Variants in FZD3 observed in about 807,000 individuals in gnomAD.
The protein encoded by FZD3 is frizzled-3.
Under a neutral mutation model 60.7 loss-of-function variants are expected in FZD3, and 30 were observed. That is an observed-to-expected ratio of 0.49 (90% confidence interval 0.37 to 0.67). The LOEUF is 0.67. Ranked by LOEUF, FZD3 falls within the 30% of genes least tolerant of loss-of-function variation. The pLI is 0.00. For missense variants in FZD3, 605 were observed against 838.7 expected, an observed-to-expected ratio of 0.72 and a Z score of 3.44; for synonymous variants, 246 against 275.2, an observed-to-expected ratio of 0.89 and a Z score of 1.05.
rs377106083 is a variant in FZD3 at position 28,527,927 on chromosome 8, C to T, written c.1167C>T (p.Leu389=). The T allele has an allele frequency of 6.8e-6, 11 of 1,613,914 alleles. No homozygotes were observed. In the African/African-American group the frequency reaches 1.1e-4, roughly 16 times the overall value. Residue 389 remains leucine (L), a synonymous_variant, in exon 5 of 8, where the codon CTC becomes CTT. Transcript: ENST00000240093. The surrounding 1 kb of genome is among the most constrained non-coding windows in gnomAD (Gnocchi z 5.0). ...TGTATGTGGTAGTTGGGGTTTCTCT[C>T]CTCTTAGCTGGCATTATATCCCTAA... The part of the protein sequence containing the change: ...LCLYVVVGVS[L]LLAGIISLNR...
intron 3 of FZD3, among the ~76,000 whole-genome samples, chr8:28,506,181 C>G (rs1291326349): frequency 2.0e-5 from 3 of 152,162 alleles, no homozygotes; most frequent in African/African-American, 4.8e-5. Context: ...ATTTACGACT[C>G]TAGTGGTAAT....
In FZD3 at chr8:28,568,722, ATT is replaced by A. The variant is rs780055425; in HGVS notation, c.*5714_*5715del. On this transcript the variant is annotated 3_prime_UTR_variant, in exon 8 of 8. Transcript: ENST00000240093. ...AATATAAAAGAAAGTTTTCACTTATATTTTAGTCAAACACCAAACCACTGCAT... is the reference window on the plus strand; with the variant it reads ...AATATAAAAGAAAGTTTTCACTTATATTAGTCAAACACCAAACCACTGCAT... The A allele has an allele frequency of 6.6e-6, 1 of 152,166 alleles. No homozygotes were observed. Among genetic ancestry groups the A allele is most frequent in the African/African-American group, 2.4e-5 (1 of 41,462 alleles). 9.4% of individuals were successfully genotyped at this position (152,166 alleles called of 1,614,324 possible). A position where few individuals can be genotyped will look rare whatever the true frequency, so the allele number is the denominator to read the frequency against.
intron 3 of FZD3, among the ~76,000 whole-genome samples, chr8:28,515,337 T>C (rs1477497687): frequency 2.0e-5 from 3 of 152,034 alleles, no homozygotes; most frequent in Admixed American, 1.3e-4. Context: ...CTGAGACAAG[T>C]TTTAGAGCAG....
At chr8:28,510,929 C>T (rs550433276) in intron 3 of FZD3, among the ~76,000 whole-genome samples, 2 of 151,374 alleles carry the variant, frequency 1.3e-5, no homozygotes, top group South Asian at 4.2e-4. Flanking sequence ...CCCAGCTACT[C>T]GGGAGGCTAA....
intron 4 of FZD3, among the ~76,000 whole-genome samples, chr8:28,524,985 G>A (rs1009086123): frequency 6.6e-6 from 1 of 152,176 alleles, no homozygotes; most frequent in Non-Finnish European, 1.5e-5. Flanking sequence ...GTTGCCTTCA[G>A]CTAACTAATT....
chr8:28,524,807 A>G (rs956706567), intron 4 of FZD3, among the ~76,000 whole-genome samples: 2 of 152,078 alleles, frequency 1.3e-5, no homozygotes, highest in African/African-American at 4.8e-5. Context: ...TGAAAATCCT[A>G]ACCTATATCC....
rs189491354 is a variant in FZD3 at position 28,564,809 on chromosome 8, C to T, written c.*1798C>T. 1.5e-3 allele frequency: 227 copies of T among 152,292 alleles called. 3 individuals carry two copies. The highest frequency in any genetic ancestry group is 5.2e-3 in the African/African-American group (215 of 41,566). 9.4% of individuals were successfully genotyped at this position (152,292 alleles called of 1,614,324 possible). ...TGCCTTATGCTATTATAGTTTATGACCTTTAACAATTTAACTCTCCGAGCC... is the reference window on the plus strand; with the variant it reads ...TGCCTTATGCTATTATAGTTTATGATCTTTAACAATTTAACTCTCCGAGCC... On this transcript the variant is annotated 3_prime_UTR_variant, in exon 8 of 8. Transcript: ENST00000240093.
At chr8:28,548,625 A>G (rs1035566535) in intron 5 of FZD3, among the ~76,000 whole-genome samples, 3 of 152,220 alleles carry the variant, frequency 2.0e-5, no homozygotes, top group African/African-American at 7.2e-5. Context: ...TATATTAAAC[A>G]CTGTGTTCTA....
rs922990266 is a variant in FZD3, at chr8:28,572,649, A to G, written c.*9638A>G. On this transcript the variant is annotated 3_prime_UTR_variant, in exon 8 of 8. Coordinates refer to ENST00000240093, the MANE Select transcript of FZD3 (RefSeq NM_017412.4). The stretch of plus-strand genomic sequence containing the variant: ...TCTGTAAGTATCATTTAGAGGCAAA[A>G]TAATTTCCCCCTCACATCTAATGTG... The G allele has an allele frequency of 6.6e-6, 1 of 152,150 alleles. No individual in the cohort carries two copies. Among genetic ancestry groups the G allele is most frequent in the African/African-American group, 2.4e-5 (1 of 41,448 alleles). 9.4% of individuals were successfully genotyped at this position (152,150 alleles called of 1,614,324 possible).
Position 28,565,750 on chromosome 8 carries a change from T to C in FZD3, c.*2739T>C, listed in dbSNP as rs1805694545. ...ACAAAATTTATGTAATATTAATCCA[T>C]GGTTTTAAACAACAGTATTCAGTTT... On this transcript the variant is annotated 3_prime_UTR_variant, in exon 8 of 8. Coordinates refer to ENST00000240093, the MANE Select transcript of FZD3 (RefSeq NM_017412.4). 1 of 152,154 alleles carries C rather than the reference T, an allele frequency of 6.6e-6. No homozygotes were observed. Among genetic ancestry groups the C allele is most frequent in the Non-Finnish European group, 1.5e-5 (1 of 67,984 alleles). 9.4% of individuals were successfully genotyped at this position (152,154 alleles called of 1,614,324 possible). A position where few individuals can be genotyped will look rare whatever the true frequency, so the allele number is the denominator to read the frequency against.
In FZD3 at chr8:28,542,240, A is replaced by G. The variant is rs1032121645; in HGVS notation, c.1405-9363A>G. Among the ~76,000 whole-genome samples the G allele has an allele frequency of 1.4e-4, 22 of 152,168 alleles. 1 individual carries two copies. On this transcript the variant is annotated intron_variant, in intron 5 of 7. Transcript: ENST00000240093. ...CTCTTTGTTATTGTTCTTCAGAGAC[A>G]GCAAACTTGTTCTGTCAGGATTATT...
chr8:28,513,445 G>C (rs138681327), intron 3 of FZD3, among the ~76,000 whole-genome samples: 56 of 152,236 alleles, frequency 3.7e-4, no homozygotes, highest in African/African-American at 1.3e-3. Flanking sequence ...GTATTGGAAG[G>C]TATTTAATAT....
chr8:28,522,489 C>G (rs189619651), intron 4 of FZD3, among the ~76,000 whole-genome samples: 113 of 152,258 alleles, frequency 7.4e-4, no homozygotes, highest in African/African-American at 2.1e-3. Flanking sequence ...TCTTCTGTCT[C>G]CAGACACCTG....
chr8:28,501,327 A>T (rs902359944), intron 2 of FZD3, among the ~76,000 whole-genome samples: 1 of 152,204 alleles, frequency 6.6e-6, no homozygotes, highest in Non-Finnish European at 1.5e-5. Context: ...CTGCCTAGTA[A>T]CTGAAGCTTG....
rs942770070 is a variant in FZD3, at chr8:28,570,908, C to G, written c.*7897C>G. On this transcript the variant is annotated 3_prime_UTR_variant, in exon 8 of 8. Coordinates refer to ENST00000240093, the MANE Select transcript of FZD3 (RefSeq NM_017412.4). ...GTGTGATTCTTTAGCTACATTTATTCCTTGTCTTATGTCATTTCACTGGAT... is the reference window on the plus strand; with the variant it reads ...GTGTGATTCTTTAGCTACATTTATTGCTTGTCTTATGTCATTTCACTGGAT... The G allele has an allele frequency of 1.3e-5, 2 of 151,658 alleles. No individual in the cohort carries two copies. The highest frequency in any genetic ancestry group is 4.8e-5 in the African/African-American group (2 of 41,288). 9.4% of individuals were successfully genotyped at this position (151,658 alleles called of 1,614,324 possible).
chr8:28,497,507 C>G (rs1189720662), intron 1 of FZD3, among the ~76,000 whole-genome samples: 3 of 152,170 alleles, frequency 2.0e-5, no homozygotes, highest in Non-Finnish European at 4.4e-5. Context: ...GCAATGCGTT[C>G]TTGAAAACGT....
chr8:28,546,799 C>T (rs1011065535), intron 5 of FZD3, among the ~76,000 whole-genome samples: 7 of 152,032 alleles, frequency 4.6e-5, no homozygotes, highest in African/African-American at 1.5e-4. Flanking sequence ...CACAGTGAAA[C>T]CCCGTCTCTA....
chr8:28,538,931 C>T (rs1805090291), intron 5 of FZD3, among the ~76,000 whole-genome samples: 2 of 151,476 alleles, frequency 1.3e-5, no homozygotes, highest in Admixed American at 1.3e-4. Flanking sequence ...ACAGCCTCTG[C>T]CCTACAGTTC....
chr8:28,556,106 C>A, intron 7 of FZD3, 135 bp downstream of exon 7: 1 of 642,634 alleles, frequency 1.6e-6, no homozygotes, highest in South Asian at 1.9e-5. Context: ...AGAGTTGTCC[C>A]AGACTATGGT....
Sources: gnomAD v4.1 joint callset for allele counts (sites outside exome capture counted in the v4.1 genomes callset) on GRCh38, gnomAD v4.1.1 for gene constraint, Gnocchi (gnomAD v3.1) non-coding constraint, MANE v1.5 for transcripts, NCBI Gene and HGNC (gene_info 2026-07-23, HGNC 2026-07-21) for gene names.